Variants in PRKG2 observed in about 807,000 individuals in gnomAD.
PRKG2 encodes the protein protein kinase cGMP-dependent 2, also known as cGMP-dependent protein kinase 2.
PRKG2 carries 33 observed loss-of-function variants against 97.2 expected under a neutral mutation model. That is an observed-to-expected ratio of 0.34 (90% CI 0.26 to 0.45). The LOEUF (loss-of-function observed/expected upper bound fraction) is 0.45, where lower values mean the gene tolerates loss of function less well. Ranked by LOEUF, PRKG2 falls within the 20% of genes least tolerant of loss-of-function variation. The pLI, the probability that PRKG2 is intolerant of heterozygous loss-of-function variation, is 1.00. For synonymous variants in PRKG2, 330 were observed against 321.8 expected, an observed-to-expected ratio of 1.03 and a Z score of -0.27; for missense variants, 638 against 900.0, an observed-to-expected ratio of 0.71 and a Z score of 3.73.
intron 14 of PRKG2, among the ~76,000 whole-genome samples, chr4:81,134,483 G>A (rs1016614875): frequency 2.6e-5 from 4 of 152,242 alleles, no homozygotes; most frequent in East Asian, 3.9e-4. Context: ...GTTCCTTCCC[G>A]AGGCCCAAGG....
chr4:81,131,471 A>G (rs985365563), intron 14 of PRKG2, among the ~76,000 whole-genome samples: 9 of 152,228 alleles, frequency 5.9e-5, no homozygotes, highest in African/African-American at 2.2e-4. Flanking sequence ...ATTTTAAAAA[A>G]TTGATTTGTC....
chr4:81,213,839 C>G (rs1754129769), intron 1 of PRKG2, among the ~76,000 whole-genome samples: 1 of 152,110 alleles, frequency 6.6e-6, no homozygotes, highest in Non-Finnish European at 1.5e-5. Context: ...CTTCATAGAA[C>G]TGGAGTTAAG....
intron 6 of PRKG2, among the ~76,000 whole-genome samples, chr4:81,161,742 C>G (rs1374604867): frequency 6.6e-6 from 1 of 152,156 alleles, no homozygotes; most frequent in African/African-American, 2.4e-5. Flanking sequence ...GATTTCACTT[C>G]TGCTGCATCT....
chr4:81,105,941 T>C lies in PRKG2; in HGVS notation c.1941-6A>G, dbSNP rs767414719. ...CAACCCCAGAAAAGGGTGGGCTAGA[T>C]AGAGAAAATCCAGAACAGGACACAT... On this transcript the variant is annotated splice_polypyrimidine_tract_variant and splice_region_variant and intron_variant, in intron 15 of 18. Coordinates refer to ENST00000264399, the MANE Select transcript of PRKG2 (RefSeq NM_006259.3). 8.1e-6 allele frequency: 13 copies of C among 1,613,102 alleles called. No individual in the cohort carries two copies. Among genetic ancestry groups the C allele is most frequent in the Admixed American group, 3.3e-5 (2 of 59,970 alleles).
chr4:81,141,262 T>G (rs1747258639), intron 11 of PRKG2, among the ~76,000 whole-genome samples: 1 of 152,180 alleles, frequency 6.6e-6, no homozygotes, highest in African/African-American at 2.4e-5. Flanking sequence ...CCTTCCACCT[T>G]GGCTTCCCAA....
At chr4:81,206,078 G>A (rs536220495) in intron 1 of PRKG2, among the ~76,000 whole-genome samples, 6 of 152,196 alleles carry the variant, frequency 3.9e-5, no homozygotes, top group Admixed American at 6.5e-5. Flanking sequence ...GAGTCAATTC[G>A]ATGAAAATAA....
At chr4:81,180,815 AAT>A (rs1453866987) in intron 2 of PRKG2, among the ~76,000 whole-genome samples, 12 of 152,092 alleles carry the variant, frequency 7.9e-5, no homozygotes, top group African/African-American at 2.9e-4. Flanking sequence ...ATAAATTCAG[AAT>A]ACACATTCAT....
intron 18 of PRKG2, among the ~76,000 whole-genome samples, chr4:81,091,527 C>A (rs982693841): frequency 3.4e-4 from 51 of 152,156 alleles, no homozygotes; most frequent in Middle Eastern, 3.4e-3. Context: ...TCGTGATCCG[C>A]CCGCCTCGGC....
At chr4:81,170,221 G>A (rs905212220) in intron 4 of PRKG2, among the ~76,000 whole-genome samples, 1 of 152,056 alleles carries the variant, frequency 6.6e-6, no homozygotes, top group African/African-American at 2.4e-5. Flanking sequence ...TTCTGACACT[G>A]TTGCTAAAGA....
chr4:81,195,295 C>A (rs547135134), intron 2 of PRKG2, among the ~76,000 whole-genome samples: 11 of 152,280 alleles, frequency 7.2e-5, no homozygotes, highest in African/African-American at 2.6e-4. Flanking sequence ...CCTCTCCCTC[C>A]TCCCAGCATT....
intron 1 of PRKG2, 102 bp from the exon 2 acceptor site, chr4:81,205,162 T>C (rs3114135): frequency 0.4 from 278,147 of 694,216 alleles, 65,230 homozygotes; most frequent in African/African-American, 0.88. Flanking sequence ...AGGAACACAG[T>C]AATCTTCATT....
chr4:81,198,796 C>G (rs1753119069), intron 2 of PRKG2, among the ~76,000 whole-genome samples: 1 of 152,160 alleles, frequency 6.6e-6, no homozygotes, highest in Non-Finnish European at 1.5e-5. Context: ...TAATAGCCAA[C>G]CAATAACTTA....
intron 17 of PRKG2, among the ~76,000 whole-genome samples, chr4:81,101,716 TA>T (rs70956091): frequency 0.28 from 28,803 of 102,546 alleles, 4,572 homozygotes; most frequent in African/African-American, 0.47. Context: ...TAAAATATAA[TA>T]AAAAAAAAGA....
chr4:81,115,068 G>A (rs1319901375), intron 14 of PRKG2, among the ~76,000 whole-genome samples: 3 of 151,864 alleles, frequency 2.0e-5, no homozygotes, highest in East Asian at 3.9e-4. Flanking sequence ...ATTTCCAATC[G>A]TGTATTATTG....
chr4:81,120,565 G>A (rs1241003269), intron 14 of PRKG2, among the ~76,000 whole-genome samples: 1 of 152,004 alleles, frequency 6.6e-6, no homozygotes, highest in Non-Finnish European at 1.5e-5. Context: ...AATGCAAATG[G>A]TATAGTGTTT....
intron 14 of PRKG2, among the ~76,000 whole-genome samples, chr4:81,118,394 C>A (rs971531934): frequency 1.3e-5 from 2 of 152,172 alleles, no homozygotes; most frequent in African/African-American, 4.8e-5. Flanking sequence ...AGGTATGAGT[C>A]GTTATGCAAG....
chr4:81,177,184 G>C (rs1382881747), intron 2 of PRKG2, among the ~76,000 whole-genome samples: 2 of 152,024 alleles, frequency 1.3e-5, no homozygotes, highest in African/African-American at 4.8e-5. Flanking sequence ...TCTTTCTCCT[G>C]TGAATTCCTA....
chr4:81,161,527 C>T (rs1451617487), intron 6 of PRKG2, among the ~76,000 whole-genome samples: 1 of 152,128 alleles, frequency 6.6e-6, no homozygotes, highest in African/African-American at 2.4e-5. Flanking sequence ...ATCAATAGGG[C>T]TTATGTCATT....
intron 6 of PRKG2, among the ~76,000 whole-genome samples, chr4:81,164,436 C>T (rs978809255): frequency 6.6e-5 from 10 of 150,494 alleles, no homozygotes; most frequent in East Asian, 2.0e-4. Context: ...TGGATTTAAC[C>T]GTTAGGATGA....
Sources: allele counts gnomAD v4.1 joint callset (sites outside exome capture counted in the v4.1 genomes callset), GRCh38; gene constraint gnomAD v4.1.1; transcripts MANE v1.5; gene names NCBI Gene and HGNC (gene_info 2026-07-23, HGNC 2026-07-21).